The following GABRG3 variants were observed in gnomAD, a reference collection of about 807,000 sequenced individuals.
GABRG3 encodes the protein gamma-aminobutyric acid receptor subunit gamma-3.
GABRG3 carries 25 observed loss-of-function variants against 48.8 expected under a neutral mutation model. The observed-to-expected ratio is 0.51, with a 90% CI of 0.37 to 0.72. The LOEUF (loss-of-function observed/expected upper bound fraction) is 0.72, where lower values mean the gene tolerates loss of function less well. Among genes scored for constraint, GABRG3 ranks in the 30% least tolerant of loss-of-function variants. GABRG3 has a pLI of 0.00. For synonymous variants in GABRG3, 227 were observed against 217.6 expected (o/e 1.04, Z -0.38); for missense variants, 394 against 577.9 (o/e 0.68, Z 3.26).
At chr15:27,130,760 T>G (rs1185532029) in intron 3 of GABRG3, among the ~76,000 whole-genome samples, 1 of 152,092 alleles carries the variant, frequency 6.6e-6, no homozygotes. Flanking sequence ...TTTGAGTGTC[T>G]TATTCTTTTT....
chr15:27,012,830 C>G (rs1277745090), intron 2 of GABRG3, among the ~76,000 whole-genome samples: 1 of 152,166 alleles, frequency 6.6e-6, no homozygotes. Context: ...GCTCTGTCCT[C>G]AGACATTAGA....
intron 5 of GABRG3, among the ~76,000 whole-genome samples, chr15:27,343,850 T>C (rs186209537): frequency 6.4e-4 from 97 of 152,392 alleles, no homozygotes; most frequent in African/African-American, 2.2e-3. Context: ...CCAATTATTA[T>C]TTTTTATGGG....
intron 3 of GABRG3, among the ~76,000 whole-genome samples, chr15:27,127,085 T>C (rs1000585145): frequency 6.6e-6 from 1 of 152,108 alleles, no homozygotes; most frequent in Non-Finnish European, 1.5e-5. Context: ...TCAAGTGGTT[T>C]CAGCAATTCC....
At chr15:26,999,840 T>C (rs966074509) in intron 2 of GABRG3, among the ~76,000 whole-genome samples, 1 of 152,184 alleles carries the variant, frequency 6.6e-6, no homozygotes, top group Non-Finnish European at 1.5e-5. Context: ...TTAGATTTTA[T>C]TGCTGTATCT....
At chr15:27,233,558 T>C (rs1248099111) in intron 3 of GABRG3, among the ~76,000 whole-genome samples, 1 of 152,092 alleles carries the variant, frequency 6.6e-6, no homozygotes, top group Non-Finnish European at 1.5e-5. Context: ...TCTCTTCCTC[T>C]CTTCATGAGG....
In GABRG3 at chr15:27,447,949, A is replaced by G; in HGVS notation, c.575-32701A>G. On this transcript the variant is annotated intron_variant, in intron 5 of 9. Transcript: ENST00000615808. The surrounding 1 kb of genome is among the most constrained non-coding windows in gnomAD (Gnocchi z 4.0). ...AAACCACCATGGCACGTGTATACCTATGTAGCAAACCTGTATGTTCTGCAC... is the reference window on the plus strand; with the variant it reads ...AAACCACCATGGCACGTGTATACCTGTGTAGCAAACCTGTATGTTCTGCAC... Among the ~76,000 whole-genome samples the G allele has an allele frequency of 6.6e-6, 1 of 152,300 alleles. No homozygotes were observed. Among genetic ancestry groups the G allele is most frequent in the South Asian group, 2.1e-4 (1 of 4,830 alleles).
At chr15:27,390,822 C>T (rs1251457660) in intron 5 of GABRG3, among the ~76,000 whole-genome samples, 1 of 152,194 alleles carries the variant, frequency 6.6e-6, no homozygotes, top group Non-Finnish European at 1.5e-5. Flanking sequence ...GGCACGGTGG[C>T]TCATGCCTGT....
Position 27,086,145 on chromosome 15 carries a change from C to T in GABRG3, c.270+59324C>T, listed in dbSNP as rs188408574. ...TTTTTTTTTTTTTTCTTGTAAAGGA[C>T]ATGGAGTAGAGGGAGTAAGGGGTCA... On this transcript the variant is annotated intron_variant, in intron 3 of 9. Transcript: ENST00000615808. 1.7e-3 allele frequency among the ~76,000 whole-genome samples: 241 copies of T among 143,572 alleles called. 1 individual carries two copies. The highest frequency in any genetic ancestry group is 5.7e-3 in the African/African-American group (218 of 38,470). 94.2% of individuals were successfully genotyped at this position (143,572 alleles called of 152,430 possible).
chr15:27,252,616 A>G (rs1280392020), intron 3 of GABRG3, among the ~76,000 whole-genome samples: 2 of 152,188 alleles, frequency 1.3e-5, no homozygotes, highest in Non-Finnish European at 2.9e-5. Flanking sequence ...TACAGCAGAA[A>G]TTGAAGACAT....
At chr15:27,140,090 T>G (rs927831021) in intron 3 of GABRG3, among the ~76,000 whole-genome samples, 1 of 152,186 alleles carries the variant, frequency 6.6e-6, no homozygotes, top group Admixed American at 6.5e-5. Context: ...TCTGGATATT[T>G]TGCAATATCC....
At chr15:27,232,358 G>A (rs191290637) in intron 3 of GABRG3, among the ~76,000 whole-genome samples, 8 of 152,252 alleles carry the variant, frequency 5.3e-5, no homozygotes, top group Middle Eastern at 3.4e-3. Flanking sequence ...CACTCTGCAC[G>A]CGTCTGGTTT....
rs1311255810 is a variant in GABRG3, at chr15:27,482,416, C to G, written c.712+1629C>G. Among the ~76,000 whole-genome samples the G allele has an allele frequency of 2.6e-5, 4 of 152,120 alleles. No homozygotes were observed. The East Asian group carries it at 7.7e-4, about 29-fold the overall frequency. On this transcript the variant is annotated intron_variant, in intron 6 of 9. Coordinates refer to ENST00000615808, the MANE Select transcript of GABRG3 (RefSeq NM_033223.5). ...TTTCAGGCCATATCCAGCATCAATT[C>G]AAGTGTCAACAGTTCACTGTTTAAT... is the stretch of plus-strand genomic sequence containing the variant.
chr15:27,096,246 G>A (rs1897263946), intron 3 of GABRG3, among the ~76,000 whole-genome samples: 1 of 152,224 alleles, frequency 6.6e-6, no homozygotes, highest in South Asian at 2.1e-4. Flanking sequence ...GGGGCTCCAG[G>A]CTCAGCGCTG....
intron 5 of GABRG3, among the ~76,000 whole-genome samples, chr15:27,436,432 G>A (rs1888613244): frequency 6.6e-6 from 1 of 152,176 alleles, no homozygotes; most frequent in Non-Finnish European, 1.5e-5. Flanking sequence ...AGAGATGGGT[G>A]TTACAGAGGA....
rs116644229 is a variant in GABRG3, at chr15:27,242,405, T to C, written c.271-84404T>C. On this transcript the variant is annotated intron_variant, in intron 3 of 9. Coordinates refer to ENST00000615808, the MANE Select transcript of GABRG3 (RefSeq NM_033223.5). The stretch of plus-strand genomic sequence containing the variant: ...TTTAAAATCTTTGAGTATATGTGAT[T>C]AAGACAGGTTGTCTCTAACCAAATT... 8.2e-3 allele frequency among the ~76,000 whole-genome samples: 1,252 copies of C among 152,314 alleles called. 13 individuals are homozygous for C. The highest frequency in any genetic ancestry group is 0.029 in the African/African-American group (1,200 of 41,550).
chr15:27,225,838 C>T (rs559959544), intron 3 of GABRG3, among the ~76,000 whole-genome samples: 2 of 152,188 alleles, frequency 1.3e-5, no homozygotes, highest in African/African-American at 2.4e-5. Context: ...TGGGCTGCTG[C>T]AGATGGAGAG....
At chr15:27,388,209 G>A (rs959963374) in intron 5 of GABRG3, among the ~76,000 whole-genome samples, 28 of 48,594 alleles carry the variant, frequency 5.8e-4, no homozygotes, top group Admixed American at 1.1e-3. Context: ...AGGAAGGAAG[G>A]AAAGGAGGAA....
In GABRG3 at chr15:27,541,785, G is replaced by A. The variant is rs1259065603; in HGVS notation, c.*8904G>A. 2.0e-5 allele frequency: 3 copies of A among 152,182 alleles called. No individual in the cohort carries two copies. The highest frequency in any genetic ancestry group is 4.4e-5 in the Non-Finnish European group (3 of 68,048). 9.4% of individuals were successfully genotyped at this position (152,182 alleles called of 1,614,324 possible). A position where few individuals can be genotyped will look rare whatever the true frequency, so the allele number is the denominator to read the frequency against. On this transcript the variant is annotated 3_prime_UTR_variant, in exon 10 of 10. Coordinates refer to ENST00000615808, the MANE Select transcript of GABRG3 (RefSeq NM_033223.5). ...GGACGTGGCTCCCCGCTATCCGTGC[G>A]GCTCGTGGTGTCCTAGTGAAATGAG... is the stretch of plus-strand genomic sequence containing the variant.
chr15:27,020,467 A>T lies in GABRG3; in HGVS notation c.203-6287A>T, dbSNP rs942853940. Among the ~76,000 whole-genome samples the T allele has an allele frequency of 7.2e-5, 11 of 152,328 alleles. No individual in the cohort carries two copies. The South Asian group carries it at 1.7e-3, about 23-fold the overall frequency. On this transcript the variant is annotated intron_variant, in intron 2 of 9. Coordinates refer to ENST00000615808, the MANE Select transcript of GABRG3 (RefSeq NM_033223.5). ...CGCTCTTTCGCCCAGGCTGGAGTGC[A>T]GTGGCGCTATCTCGGCTCACTGCAA...
Sources: gnomAD v4.1 joint callset for allele counts (sites outside exome capture counted in the v4.1 genomes callset) on GRCh38, gnomAD v4.1.1 for gene constraint, Gnocchi (gnomAD v3.1) non-coding constraint, MANE v1.5 for transcripts, NCBI Gene and HGNC (gene_info 2026-07-23, HGNC 2026-07-21) for gene names.